The following LGR5 variants were observed in gnomAD, a reference collection of about 807,000 sequenced individuals.
LGR5 encodes the protein leucine-rich repeat-containing G protein-coupled receptor 5.
In LGR5, 54 loss-of-function variants were observed where a neutral mutation model predicts 76.7. The ratio of observed to expected loss-of-function variants is 0.70; its 90% confidence interval spans 0.57 to 0.88. The LOEUF is 0.88. Among genes scored for constraint, LGR5 ranks in the 40% least tolerant of loss-of-function variants. The probability of loss-of-function intolerance (pLI) is 0.00; values close to 1 mark genes in which losing one functional copy is unlikely to be tolerated. For synonymous variants in LGR5, 406 were observed against 421.9 expected (o/e 0.96, Z 0.46); for missense variants, 1,078 against 1,073.3 (o/e 1.00, Z -0.06).
intron 8 of LGR5, among the ~76,000 whole-genome samples, chr12:71,564,812 G>C (rs1201824248): frequency 1.4e-5 from 2 of 147,308 alleles, no homozygotes; most frequent in Non-Finnish European, 3.0e-5. Context: ...TACACACACT[G>C]TATATAGATA....
At chr12:71,570,676 G>C (rs1878569026) in intron 11 of LGR5, among the ~76,000 whole-genome samples, 1 of 152,100 alleles carries the variant, frequency 6.6e-6, no homozygotes, top group Non-Finnish European at 1.5e-5. Flanking sequence ...TTTATGCGGA[G>C]TAAATGGACT....
intron 4 of LGR5, among the ~76,000 whole-genome samples, chr12:71,545,357 A>G (rs1280834): frequency 0.91 from 138,552 of 152,136 alleles, 63,628 homozygotes; most frequent in East Asian, 1. Context: ...GGAGGCTGAG[A>G]TGGAAGAATC....
rs1189021854 is a variant in LGR5, at chr12:71,538,547, A to C, written c.428+3361A>C. 5.9e-5 allele frequency among the ~76,000 whole-genome samples: 9 copies of C among 152,302 alleles called. No individual in the cohort carries two copies. In the South Asian group the frequency reaches 1.9e-3, roughly 32 times the overall value. ...TCTAACTGGCTTAATTGCACAGTTA[A>C]GTATTTCCTAAGTGAAAATTAGGAA... On this transcript the variant is annotated intron_variant, in intron 4 of 17. Coordinates refer to ENST00000266674, the MANE Select transcript of LGR5 (RefSeq NM_003667.4).
intron 2 of LGR5, among the ~76,000 whole-genome samples, chr12:71,512,078 A>AC (rs1875185265): frequency 6.6e-6 from 1 of 151,520 alleles, no homozygotes; most frequent in Admixed American, 6.6e-5. Flanking sequence ...TGCTACTTCC[A>AC]CCCCCTGGAT....
At chr12:71,488,139 C>T (rs1392960107) in intron 1 of LGR5, among the ~76,000 whole-genome samples, 6 of 152,192 alleles carry the variant, frequency 3.9e-5, no homozygotes, top group African/African-American at 1.4e-4. Flanking sequence ...ATACTTTGAA[C>T]AGTAGACTTT....
chr12:71,497,399 A>T (rs934892120), intron 1 of LGR5, among the ~76,000 whole-genome samples: 1 of 151,594 alleles, frequency 6.6e-6, no homozygotes. Flanking sequence ...GGAGGGATGG[A>T]GGGAGGGAGG....
chr12:71,570,602 G>A (rs1180637149), intron 11 of LGR5, among the ~76,000 whole-genome samples: 1 of 152,052 alleles, frequency 6.6e-6, no homozygotes, highest in Non-Finnish European at 1.5e-5. Flanking sequence ...ATTGGGTGGG[G>A]GGGTATCTTT....
chr12:71,542,122 G>A (rs1354476729), intron 4 of LGR5, among the ~76,000 whole-genome samples: 3 of 152,150 alleles, frequency 2.0e-5, no homozygotes, highest in African/African-American at 7.2e-5. Flanking sequence ...TAGTTGTCTG[G>A]TCCCTCACTA....
At chr12:71,488,270 T>C (rs1006698900) in intron 1 of LGR5, among the ~76,000 whole-genome samples, 3 of 152,258 alleles carry the variant, frequency 2.0e-5, no homozygotes, top group East Asian at 1.9e-4. Context: ...TGACATGAAG[T>C]CTTGTTTGGT....
Position 71,513,576 on chromosome 12 carries a change from A to G in LGR5, c.284+8891A>G, listed in dbSNP as rs1200883019. 3.9e-5 allele frequency among the ~76,000 whole-genome samples: 6 copies of G among 152,380 alleles called. No homozygotes were observed. The Middle Eastern group carries it at 0.01, about 259-fold the overall frequency. On this transcript the variant is annotated intron_variant, in intron 2 of 17. Transcript: ENST00000266674. ...TAACCTCCCTTTGGCCCATTCTGCC[A>G]TCTGTAAATGGAGATGATGCCAATT...
chr12:71,556,259 T>C (rs552702441), intron 5 of LGR5, among the ~76,000 whole-genome samples: 2 of 151,770 alleles, frequency 1.3e-5, no homozygotes, highest in African/African-American at 4.8e-5. Flanking sequence ...ATCTTTACAA[T>C]AGACCCCCAT....
chr12:71,544,870 A>G (rs1232610926), intron 4 of LGR5, among the ~76,000 whole-genome samples: 1 of 152,234 alleles, frequency 6.6e-6, no homozygotes, highest in African/African-American at 2.4e-5. Context: ...TAAATGAACT[A>G]TATTGCTGTG....
chr12:71,568,359 A>T (rs75047859), intron 11 of LGR5, among the ~76,000 whole-genome samples: 1 of 152,154 alleles, frequency 6.6e-6, no homozygotes, highest in Non-Finnish European at 1.5e-5. Context: ...CTATAAAAGG[A>T]GATGTAGCCA....
chr12:71,454,110 G>A (rs552465613), intron 1 of LGR5, among the ~76,000 whole-genome samples: 1 of 152,222 alleles, frequency 6.6e-6, no homozygotes, highest in East Asian at 1.9e-4. Flanking sequence ...CCTATTGGAT[G>A]AGCCTGTATT....
At chr12:71,456,796 G>A (rs1264575619) in intron 1 of LGR5, among the ~76,000 whole-genome samples, 2 of 152,128 alleles carry the variant, frequency 1.3e-5, no homozygotes, top group African/African-American at 4.8e-5. Context: ...TCGGCAACAA[G>A]GAATAGCATT....
At chr12:71,578,451 G>A (rs1878952578) in intron 14 of LGR5, among the ~76,000 whole-genome samples, 1 of 152,070 alleles carries the variant, frequency 6.6e-6, no homozygotes, top group Non-Finnish European at 1.5e-5. Flanking sequence ...AGAGGAAGGG[G>A]AGTAAATACA....
At chr12:71,453,948 T>A (rs1872358317) in intron 1 of LGR5, among the ~76,000 whole-genome samples, 1 of 152,064 alleles carries the variant, frequency 6.6e-6, no homozygotes, top group South Asian at 2.1e-4. Flanking sequence ...ATGATGTGAC[T>A]CTGTGTAGGA....
rs922297950 is a variant in LGR5, at chr12:71,554,246, T to C, written c.644+958T>C. On this transcript the variant is annotated intron_variant, in intron 5 of 17. Transcript: ENST00000266674. ...GAATGGGGAATGCTGATTTGTTGGG[T>C]CAGGGATGAAATCATAAGGGATTGA... 2.0e-5 allele frequency among the ~76,000 whole-genome samples: 3 copies of C among 152,142 alleles called. 1 individual carries two copies. Among genetic ancestry groups the C allele is most frequent in the South Asian group, 4.1e-4 (2 of 4,826 alleles).
chr12:71,551,632 A>T (rs1477219182), intron 4 of LGR5, among the ~76,000 whole-genome samples: 2 of 152,210 alleles, frequency 1.3e-5, no homozygotes, highest in Admixed American at 6.5e-5. Flanking sequence ...AACATTGCAA[A>T]CGATGTGAGT....
Sources: gnomAD v4.1 joint callset for allele counts (sites outside exome capture counted in the v4.1 genomes callset) on GRCh38, gnomAD v4.1.1 for gene constraint, MANE v1.5 for transcripts, NCBI Gene and HGNC (gene_info 2026-07-23, HGNC 2026-07-21) for gene names.